RTN3: variants seen among roughly 807,000 people sequenced by gnomAD.
RTN3 encodes reticulon-3.
RTN3 carries 49 observed loss-of-function variants against 77.8 expected under a neutral mutation model. The ratio of observed to expected loss-of-function variants is 0.63; its 90% CI spans 0.50 to 0.80. The LOEUF (loss-of-function observed/expected upper bound fraction) is 0.80. Ranked by LOEUF, RTN3 falls within the 30% of genes least tolerant of loss-of-function variation. RTN3 has a pLI of 0.00. For synonymous variants in RTN3, 464 were observed against 446.9 expected (o/e 1.04, Z -0.48); for missense variants, 1,236 against 1,211.9 (o/e 1.02, Z -0.29).
Position 63,719,630 on chromosome 11 carries a change from T to TG in RTN3, c.1129dup (p.Val377GlyfsTer4), listed in dbSNP as rs1396232329. Reference sequence around the variant, plus strand: ...GTGAATATAATTCAGAAATTCCAGTTGTAAATCTTAAAACTAGCACTCATC... The same window carrying TG: ...GTGAATATAATTCAGAAATTCCAGTTGGTAAATCTTAAAACTAGCACTCATC... On this transcript the variant is annotated frameshift_variant, in exon 3 of 9. Coordinates refer to ENST00000377819, the MANE Select transcript of RTN3 (RefSeq NM_001265589.2). LOFTEE classifies it high-confidence loss of function. 1 of 1,613,772 alleles carries TG rather than the reference T, an allele frequency of 6.2e-7. No individual in the cohort carries two copies. Among genetic ancestry groups the TG allele is most frequent in the Non-Finnish European group, 8.5e-7 (1 of 1,179,932 alleles).
At chr11:63,689,344 A>G (rs1448558294) in intron 1 of RTN3, among the ~76,000 whole-genome samples, 4 of 152,180 alleles carry the variant, frequency 2.6e-5, no homozygotes, top group African/African-American at 9.6e-5. Flanking sequence ...GACAGCTACT[A>G]GTTGTAGAGT....
rs762195514 is a variant in RTN3, at chr11:63,720,789, C to T, written c.2287C>T (p.Gln763Ter). ...ACAGGTTGAGAAGTCAACTTCTGCA[C>T]AGCGTGACGCAGAATTGCCTTCTGA... is the stretch of plus-strand genomic sequence containing the variant. Reference protein sequence around the residue: ...ERQVEKSTSAQRDAELPSEEV... With the variant: ...ERQVEKSTSA The change falls in exon 3 of 9, where the codon CAG becomes TAG. Residue 763 changes from glutamine to a stop codon, truncating the protein, a stop_gained. Coordinates refer to ENST00000377819, the MANE Select transcript of RTN3 (RefSeq NM_001265589.2). LOFTEE classifies it high-confidence loss of function. 6.2e-7 allele frequency: 1 copy of T among 1,614,016 alleles called. No individual in the cohort carries two copies. The highest frequency in any genetic ancestry group is 2.2e-5 in the East Asian group (1 of 44,880).
At position 63,720,427 on chromosome 11, in the gene RTN3, A is replaced by G; in HGVS notation, c.1925A>G (p.Asn642Ser). The G allele has an allele frequency of 6.2e-7, 1 of 1,613,764 alleles. No individual in the cohort carries two copies. Among genetic ancestry groups the G allele is most frequent in the Non-Finnish European group, 8.5e-7 (1 of 1,179,900 alleles). ...SAYLESLHGK[N>S]VKHIDDSSPE... is the part of the protein sequence containing the mutation. Reference sequence around the variant, plus strand: ...TATTTGGAGTCATTACATGGGAAAAATGTTAAACATATAGATGATTCCTCC... The same window carrying G: ...TATTTGGAGTCATTACATGGGAAAAGTGTTAAACATATAGATGATTCCTCC... Residue 642 changes from asparagine to serine, a missense_variant, in exon 3 of 9, where the codon AAT (asparagine) becomes AGT (serine). Coordinates refer to ENST00000377819, the MANE Select transcript of RTN3 (RefSeq NM_001265589.2).
intron 3 of RTN3, among the ~76,000 whole-genome samples, chr11:63,741,368 AATTTTGT>A (rs1351545524): frequency 6.7e-6 from 1 of 149,210 alleles, no homozygotes; most frequent in Non-Finnish European, 1.5e-5. Context: ...ACGCCTGGCT[AATTTTGT>A]ATTTTTAGTA....
intron 2 of RTN3, among the ~76,000 whole-genome samples, chr11:63,706,507 A>G (rs1287362289): frequency 6.6e-6 from 1 of 152,166 alleles, no homozygotes; most frequent in Non-Finnish European, 1.5e-5. Context: ...CTGGCCAACA[A>G]TTTGTTTTAA....
chr11:63,720,854 T>G lies in RTN3; in HGVS notation c.2352T>G (p.Ser784=), dbSNP rs746074041. The G allele has an allele frequency of 4.2e-5, 67 of 1,613,912 alleles. No homozygotes were observed. The Admixed American group carries it at 1.0e-3, about 25-fold the overall frequency. ...LKQTFTFAPE[S]WPQRSYDILE... ...AAACTTTCACATTTGCTCCAGAATC[T>G]TGGCCACAGAGATCATATGACATCC... Residue 784 remains serine, a synonymous_variant, in exon 3 of 9, where the codon TCT becomes TCG. Coordinates refer to ENST00000377819, the MANE Select transcript of RTN3 (RefSeq NM_001265589.2).
chr11:63,754,907 G>C (rs571356735), intron 7 of RTN3, among the ~76,000 whole-genome samples: 1 of 115,874 alleles, frequency 8.6e-6, no homozygotes, highest in Non-Finnish European at 1.6e-5. Flanking sequence ...CAGCCTGGGC[G>C]ACAGGGAGAC....
chr11:63,753,504 T>C (rs1200245486), intron 6 of RTN3, among the ~76,000 whole-genome samples, 158 bp from the exon 7 acceptor site: 1 of 152,204 alleles, frequency 6.6e-6, no homozygotes, highest in African/African-American at 2.4e-5. Context: ...TACCTTAAAT[T>C]AGCTGTCTTA....
chr11:63,714,348 T>G, intron 2 of RTN3: 1 of 259,272 alleles, frequency 3.9e-6, no homozygotes, highest in Non-Finnish European at 7.7e-6. Context: ...AGCACTGAGC[T>G]CTGTTTGCCC....
chr11:63,736,695 A>G (rs113692932), intron 3 of RTN3, among the ~76,000 whole-genome samples: 1 of 152,192 alleles, frequency 6.6e-6, no homozygotes, highest in African/African-American at 2.4e-5. Flanking sequence ...AAAAAATTTT[A>G]AAAAATAAGT....
chr11:63,756,717 A>G (rs2014398369), intron 8 of RTN3, among the ~76,000 whole-genome samples: 1 of 152,214 alleles, frequency 6.6e-6, no homozygotes, highest in African/African-American at 2.4e-5. Context: ...AGCAAGGACC[A>G]TAGGCTACTC....
At chr11:63,714,481 TTC>T (rs1239367400) in intron 2 of RTN3, 1 of 150,524 alleles carries the variant, frequency 6.6e-6, no homozygotes, top group African/African-American at 2.5e-5. Context: ...TTAATCTTTT[TTC>T]TTTTTTCCTT....
chr11:63,694,806 TC>T (rs1941854408), intron 1 of RTN3, among the ~76,000 whole-genome samples: 1 of 152,224 alleles, frequency 6.6e-6, no homozygotes, highest in Non-Finnish European at 1.5e-5. Context: ...TGTCAGGCTT[TC>T]TAATTTTCTT....
In RTN3 at chr11:63,719,388, C is replaced by G. The variant is rs267603089; in HGVS notation, c.886C>G (p.Pro296Ala). Residue 296 changes from proline (P) to alanine (A), a missense_variant, in exon 3 of 9, where the codon CCA (proline) becomes GCA (alanine). Pro to Ala is a conservative substitution (Grantham distance 27). This residue lies in a region of RTN3 where 1,056 missense variants were observed against 990.4 expected (regional missense o/e 1.07). Coordinates refer to ENST00000377819, the MANE Select transcript of RTN3 (RefSeq NM_001265589.2). Reference protein sequence around the residue: ...DISETNDKLFPLRNKEAGRYP... With the variant: ...DISETNDKLFALRNKEAGRYP... ...TTCAGAGACTAATGACAAGCTTTTT[C>G]CACTGAGAAATAAAGAGGCAGGACG... is the stretch of plus-strand genomic sequence containing the variant. 1 of 1,614,018 alleles carries G rather than the reference C, an allele frequency of 6.2e-7. No individual in the cohort carries two copies. Among genetic ancestry groups the G allele is most frequent in the Admixed American group, 1.7e-5 (1 of 59,988 alleles).
At chr11:63,735,789 C>T (rs1222023208) in intron 3 of RTN3, among the ~76,000 whole-genome samples, 1 of 152,078 alleles carries the variant, frequency 6.6e-6, no homozygotes, top group Admixed American at 6.6e-5. Flanking sequence ...TTTGGCTTCC[C>T]AAAGTGTTGG....
intron 1 of RTN3, among the ~76,000 whole-genome samples, chr11:63,696,873 CTTTCTTTCTTTTT>C (rs1472217912): frequency 4.6e-5 from 3 of 64,878 alleles, no homozygotes; most frequent in African/African-American, 1.6e-4. Flanking sequence ...TTCTTTCTTT[CTTTCTTTCTTTTT>C]TTTTTTTTTT....
chr11:63,755,104 A>G (rs2014305960), intron 7 of RTN3, among the ~76,000 whole-genome samples: 2 of 151,870 alleles, frequency 1.3e-5, no homozygotes, highest in African/African-American at 4.8e-5. Flanking sequence ...TCATCCATCA[A>G]GAGACTTTTT....
At chr11:63,744,240 C>CAAAAAAAAAAAA (rs71468642) in intron 3 of RTN3, among the ~76,000 whole-genome samples, 1 of 63,622 alleles carries the variant, frequency 1.6e-5, no homozygotes, top group African/African-American at 7.8e-5. Context: ...GACTCTGTCT[C>CAAAAAAAAAAAA]AAAAAAAAAA....
intron 1 of RTN3, among the ~76,000 whole-genome samples, chr11:63,692,268 C>A (rs1941701557): frequency 6.6e-6 from 1 of 152,164 alleles, no homozygotes; most frequent in African/African-American, 2.4e-5. Context: ...AGTCGTCCAT[C>A]AACCTCGGCC....
Sources: gnomAD v4.1 joint callset for allele counts (sites outside exome capture counted in the v4.1 genomes callset) on GRCh38, gnomAD v4.1.1 for gene constraint, gnomAD v4.1.1 regional missense constraint, MANE v1.5 for transcripts, NCBI Gene and HGNC (gene_info 2026-07-23, HGNC 2026-07-21) for gene names.